ZNF638: variants seen among roughly 807,000 people sequenced by gnomAD.
ZNF638 encodes the protein CTCL tumor antigen se33-1.
Under a neutral mutation model 195.6 loss-of-function variants are expected in ZNF638, and 46 were observed. The observed-to-expected ratio is 0.24, with a 90% CI of 0.19 to 0.30. ZNF638 has a LOEUF of 0.30. ZNF638 is among the 10% of genes least tolerant of loss of function. The probability of loss-of-function intolerance (pLI) is 1.00; values close to 1 mark genes in which losing one functional copy is unlikely to be tolerated. For synonymous variants in ZNF638, 845 were observed against 772.0 expected (o/e 1.09, Z -1.57); for missense variants, 2,440 against 2,325.3 (o/e 1.05, Z -1.01).
intron 20 of ZNF638, among the ~76,000 whole-genome samples, chr2:71,411,163 ATTT>A (rs1017330796): frequency 4.0e-5 from 6 of 149,450 alleles, no homozygotes; most frequent in Non-Finnish European, 7.4e-5. Flanking sequence ...ATGCCCACTA[ATTT>A]TTTTTGTATT....
At chr2:71,424,972 T>TAG (rs2080508768) in intron 23 of ZNF638, among the ~76,000 whole-genome samples, 2 of 151,872 alleles carry the variant, frequency 1.3e-5, no homozygotes, top group African/African-American at 2.4e-5. Context: ...AGAAAGAGAG[T>TAG]AGAGTAGGGC....
chr2:71,426,364 C>G (rs1573172047), intron 23 of ZNF638, 96 bp from the exon 24 acceptor site: 1 of 918,848 alleles, frequency 1.1e-6, no homozygotes, highest in East Asian at 2.5e-5. Flanking sequence ...CTGAAATTCT[C>G]CCAAATGATC....
chr2:71,363,038 A>T, intron 3 of ZNF638, 115 bp from the exon 4 acceptor site: 1 of 795,264 alleles, frequency 1.3e-6, no homozygotes, highest in Non-Finnish European at 2.1e-6. Flanking sequence ...CTCTCAAAAT[A>T]TTTTATTTCC....
chr2:71,386,419 TAATGCATTA>T (rs1367585109), intron 10 of ZNF638, among the ~76,000 whole-genome samples: 2 of 152,078 alleles, frequency 1.3e-5, no homozygotes, highest in East Asian at 1.9e-4. Context: ...ATATGTTTAA[TAATGCATTA>T]GATGCATTCC....
chr2:71,380,690 A>G (rs1453530204), intron 10 of ZNF638, 125 bp downstream of exon 10: 3 of 654,138 alleles, frequency 4.6e-6, no homozygotes, highest in Non-Finnish European at 7.5e-6. Context: ...ACATTCTTTA[A>G]TTGGCCCCTG....
rs1205796028 is a variant in ZNF638 at position 71,427,407 on chromosome 2, C to T, written c.5538C>T (p.His1846=). ...EEDLKTMIER[H]LTAKTPTKRV... ...ATCTAAAAACCATGATTGAAAGACA[C>T]TTAACAGGTAGATACTTGGAAGGGG... is the stretch of plus-strand genomic sequence containing the variant. Residue 1846 remains histidine (H), a synonymous_variant, in exon 24 of 28, where the codon CAC becomes CAT. Coordinates refer to ENST00000264447, the MANE Select transcript of ZNF638 (RefSeq NM_014497.5). 9.0e-6 allele frequency: 14 copies of T among 1,554,326 alleles called. No homozygotes were observed. The highest frequency in any genetic ancestry group is 1.2e-5 in the Non-Finnish European group (14 of 1,159,724).
intron 7 of ZNF638, 151 bp from the exon 8 acceptor site, chr2:71,369,732 T>C: frequency 1.5e-6 from 1 of 664,420 alleles, no homozygotes; most frequent in South Asian, 2.3e-5. Flanking sequence ...AATCAAATTA[T>C]ACTTGACCAA....
At chr2:71,401,272 G>A (rs531064877) in intron 15 of ZNF638, among the ~76,000 whole-genome samples, 2 of 152,222 alleles carry the variant, frequency 1.3e-5, no homozygotes, top group East Asian at 3.9e-4. Context: ...CAGTAAGCAT[G>A]AAAGGAGTAA....
rs1210581938 is a variant in ZNF638 at position 71,349,570 on chromosome 2, A to C, written c.616A>C (p.Ser206Arg). ...KETLGSEAVSSNVIDYGHASK... is the reference protein window; with the variant it reads ...KETLGSEAVSRNVIDYGHASK... Reference sequence around the variant, plus strand: ...AACACTTGGTAGTGAAGCAGTTTCAAGTAATGTGATCGATTATGGGCATGC... The same window carrying C: ...AACACTTGGTAGTGAAGCAGTTTCACGTAATGTGATCGATTATGGGCATGC... The change falls in exon 2 of 28, where the codon AGT becomes CGT. Residue 206 changes from serine to arginine, a missense_variant. Ser to Arg is a moderately radical substitution (Grantham distance 110, BLOSUM62 -1). This residue lies in a region of ZNF638 where 305 missense variants were observed against 283.6 expected (regional missense o/e 1.08). Coordinates refer to ENST00000264447, the MANE Select transcript of ZNF638 (RefSeq NM_014497.5). The C allele has an allele frequency of 6.2e-7, 1 of 1,614,218 alleles. No individual in the cohort carries two copies. Among genetic ancestry groups the C allele is most frequent in the East Asian group, 2.2e-5 (1 of 44,878 alleles).
In ZNF638 at chr2:71,365,519, G is replaced by A; in HGVS notation, c.1808G>A (p.Gly603Glu). ...KQKHLEAADK[G>E]HSPAQKPKTS... is the part of the protein sequence containing the mutation. ...AAGCATCTTGAAGCTGCTGATAAGGGACATTCACCAGCACAAAAGCCTAAA... is the reference window on the plus strand; with the variant it reads ...AAGCATCTTGAAGCTGCTGATAAGGAACATTCACCAGCACAAAAGCCTAAA... Residue 603 changes from glycine to glutamate, a missense_variant, in exon 6 of 28, where the codon GGA becomes GAA. Around this residue, in one of 5 missense-constraint regions of ZNF638, gnomAD observed 1,883 missense variants for 1,739.1 expected, o/e 1.08. Coordinates refer to ENST00000264447, the MANE Select transcript of ZNF638 (RefSeq NM_014497.5). 1 of 1,614,028 alleles carries A rather than the reference G, an allele frequency of 6.2e-7. No homozygotes were observed. The highest frequency in any genetic ancestry group is 1.1e-5 in the South Asian group (1 of 91,074).
At chr2:71,393,112 A>G (rs1475050926) in intron 10 of ZNF638, among the ~76,000 whole-genome samples, 3 of 152,230 alleles carry the variant, frequency 2.0e-5, no homozygotes, top group Admixed American at 1.3e-4. Flanking sequence ...CTGACAGGCC[A>G]TAGTAGAACG....
At position 71,343,881 on chromosome 2, in the gene ZNF638, G is replaced by A. The variant is rs537099470; in HGVS notation, c.-202-4872G>A. ...CGCGGTGGCTCATGCCTGTAATCCT[G>A]GCACTTTGGGAGGCTGAGGCGGGTG... On this transcript the variant is annotated intron_variant, in intron 1 of 27. Transcript: ENST00000264447. 9.5e-3 allele frequency among the ~76,000 whole-genome samples: 458 copies of A among 48,068 alleles called. 2 individuals carry two copies. Among genetic ancestry groups the A allele is most frequent in the African/African-American group, 0.018 (442 of 25,048 alleles). 31.5% of individuals were successfully genotyped at this position (48,068 alleles called of 152,430 possible).
chr2:71,422,074 A>G (rs1008995073), intron 21 of ZNF638, among the ~76,000 whole-genome samples: 9 of 152,152 alleles, frequency 5.9e-5, no homozygotes, highest in Non-Finnish European at 1.0e-4. Flanking sequence ...TTAGAATTAT[A>G]CATTATTCTC....
rs140310314 is a variant in ZNF638 at position 71,376,843 on chromosome 2, G to A, written c.2266-3379G>A. The stretch of plus-strand genomic sequence containing the variant: ...ATAATAATAATTTAATAATAACCTC[G>A]ACATCCATTCTTAGCAGTGATTCTT... On this transcript the variant is annotated intron_variant, in intron 8 of 27. Transcript: ENST00000264447. Among the ~76,000 whole-genome samples the A allele has an allele frequency of 1.3e-3, 197 of 152,036 alleles. 1 individual carries two copies. Among genetic ancestry groups the A allele is most frequent in the African/African-American group, 4.3e-3 (179 of 41,438 alleles).
chr2:71,335,410 ATATT>A (rs1205662830), intron 1 of ZNF638, among the ~76,000 whole-genome samples: 4 of 152,300 alleles, frequency 2.6e-5, no homozygotes, highest in Admixed American at 2.6e-4. Context: ...GAACCAAAAT[ATATT>A]TATTGTTCAT....
At position 71,389,764 on chromosome 2, in the gene ZNF638, C is replaced by G. The variant is rs547069200; in HGVS notation, c.2378-6377C>G. Among the ~76,000 whole-genome samples the G allele has an allele frequency of 1.2e-4, 18 of 152,270 alleles. 1 individual carries two copies. In the South Asian group the frequency reaches 3.5e-3, roughly 30 times the overall value. Reference sequence around the variant, plus strand: ...CTCAGGAGCCATTTTTTGAATTTATCAATCGGTTAACCCAGGCAATTAAGA... The same window carrying G: ...CTCAGGAGCCATTTTTTGAATTTATGAATCGGTTAACCCAGGCAATTAAGA... On this transcript the variant is annotated intron_variant, in intron 10 of 27. Transcript: ENST00000264447.
chr2:71,407,744 A>G lies in ZNF638; in HGVS notation c.3136-378A>G, dbSNP rs370246694. 10 of 154,240 alleles carry G rather than the reference A, an allele frequency of 6.5e-5. No individual in the cohort carries two copies. In the East Asian group the frequency reaches 1.9e-3, roughly 29 times the overall value. The allele number at this position is 154,240 out of a possible 1,614,324, so 9.6% of individuals were successfully genotyped here. ...TCAACCATTATTTCTGTTTTTATAA[A>G]TTTAGTTACCTCATGTATGTGGAAT... On this transcript the variant is annotated intron_variant, in intron 19 of 27. Coordinates refer to ENST00000264447, the MANE Select transcript of ZNF638 (RefSeq NM_014497.5).
chr2:71,422,962 G>A lies in ZNF638; in HGVS notation c.3448G>A (p.Glu1150Lys). The A allele has an allele frequency of 6.2e-7, 1 of 1,614,126 alleles. No individual in the cohort carries two copies. The highest frequency in any genetic ancestry group is 8.5e-7 in the Non-Finnish European group (1 of 1,179,980). The change falls in exon 22 of 28, where the codon GAA (glutamate) becomes AAA (lysine). Residue 1150 changes from glutamate to lysine, a missense_variant. This residue lies in a region of ZNF638 where 1,883 missense variants were observed against 1,739.1 expected (regional missense o/e 1.08). Coordinates refer to ENST00000264447, the MANE Select transcript of ZNF638 (RefSeq NM_014497.5). ...LVQQEEPCEE[E>K]AEKATCDSDF... ...ACAGCAGGAAGAGCCTTGTGAGGAA[G>A]AAGCTGAAAAAGCAACATGTGATTC...
intron 25 of ZNF638, among the ~76,000 whole-genome samples, chr2:71,430,314 A>G (rs1046150955): frequency 3.3e-5 from 5 of 152,344 alleles, no homozygotes; most frequent in Admixed American, 6.5e-5. Flanking sequence ...AAACAATTAT[A>G]GAAAGAGATT....
Sources: gnomAD v4.1 joint callset for allele counts (sites outside exome capture counted in the v4.1 genomes callset) on GRCh38, gnomAD v4.1.1 for gene constraint, gnomAD v4.1.1 regional missense constraint, MANE v1.5 for transcripts, NCBI Gene and HGNC (gene_info 2026-07-23, HGNC 2026-07-21) for gene names.